CNTLN: variants seen among roughly 807,000 people sequenced by gnomAD.
CNTLN encodes the protein centlein, also known as centlein, centrosomal protein.
Under a neutral mutation model 180.0 loss-of-function variants are expected in CNTLN, and 212 were observed. That is an observed-to-expected ratio of 1.18 (90% CI 1.05 to 1.32). The LOEUF (loss-of-function observed/expected upper bound fraction) is 1.32. CNTLN is among the 40% of genes most tolerant of loss of function. CNTLN has a pLI of 0.00. For synonymous variants in CNTLN, 722 were observed against 563.1 expected (o/e 1.28, Z -3.99); for missense variants, 2,095 against 1,610.9 (o/e 1.30, Z -5.14).
In CNTLN at chr9:17,298,320, G is replaced by A. The variant is rs1818096172; in HGVS notation, c.1114G>A (p.Val372Ile). 2 of 1,612,846 alleles carry A rather than the reference G, an allele frequency of 1.2e-6. No individual in the cohort carries two copies. Among genetic ancestry groups the A allele is most frequent in the East Asian group, 2.2e-5 (1 of 44,820 alleles). Residue 372 changes from valine (V) to isoleucine (I), a missense_variant, in exon 7 of 26, where the codon GTT becomes ATT. Physicochemically the swap from Val to Ile is conservative, Grantham distance 29. Coordinates refer to ENST00000380647, the MANE Select transcript of CNTLN (RefSeq NM_017738.4). ...TQKVLRNQED[V>I]HTAESISYQK... ...AAAAGTACTGAGAAATCAGGAAGATGTTCACACAGCTGAAAGTATATCATA... is the reference window on the plus strand; with the variant it reads ...AAAAGTACTGAGAAATCAGGAAGATATTCACACAGCTGAAAGTATATCATA...
intron 8 of CNTLN, among the ~76,000 whole-genome samples, chr9:17,328,676 A>G (rs10810760): frequency 0.29 from 43,654 of 152,030 alleles, 6,642 homozygotes; most frequent in South Asian, 0.52. Flanking sequence ...GAAGGGGAGG[A>G]ACATATCTAC....
the CNTLN span, among the ~76,000 whole-genome samples, chr9:17,523,729 A>G: frequency 6.6e-6 from 1 of 152,204 alleles, no homozygotes; most frequent in South Asian, 2.1e-4. Context: ...AATATCTCTG[A>G]GACTTCTAGA....
At chr9:17,420,402 G>C (rs1393578530) in intron 18 of CNTLN, among the ~76,000 whole-genome samples, 2 of 152,108 alleles carry the variant, frequency 1.3e-5, no homozygotes, top group African/African-American at 4.8e-5. Flanking sequence ...TGCAGTATCT[G>C]TTGTAATATC....
At chr9:17,318,838 TTCCATCCATCCATCCA>T (rs60102156) in intron 8 of CNTLN, among the ~76,000 whole-genome samples, 7,023 of 151,390 alleles carry the variant, frequency 0.046, 213 homozygotes, top group South Asian at 0.14. Flanking sequence ...CCATCCTTTA[TTCCATCCATCCATCCA>T]TCCATCCATC....
At chr9:17,353,286 C>CTT (rs36048699) in intron 12 of CNTLN, among the ~76,000 whole-genome samples, 64,717 of 127,116 alleles carry the variant, frequency 0.51, 16,941 homozygotes, top group Non-Finnish European at 0.59. Flanking sequence ...AACTGCCAAA[C>CTT]TTTTTTTTTT....
chr9:17,400,563 C>G (rs1328714188), intron 15 of CNTLN, among the ~76,000 whole-genome samples: 3 of 152,234 alleles, frequency 2.0e-5, no homozygotes, highest in Middle Eastern at 6.8e-3. Context: ...TTTGACCTGT[C>G]TATGCTTCAA....
At chr9:17,214,430 A>C (rs1823576280) in intron 2 of CNTLN, among the ~76,000 whole-genome samples, 1 of 152,214 alleles carries the variant, frequency 6.6e-6, no homozygotes, top group Non-Finnish European at 1.5e-5. Flanking sequence ...ATCTGCTGTT[A>C]TTCTGATGGG....
chr9:17,511,720 G>C, the CNTLN span, among the ~76,000 whole-genome samples: 1 of 151,944 alleles, frequency 6.6e-6, no homozygotes, highest in South Asian at 2.1e-4. Flanking sequence ...TTAGACAAGA[G>C]CGTGAATAAC....
chr9:17,422,490 TGA>T (rs1828792975), intron 18 of CNTLN, among the ~76,000 whole-genome samples: 2 of 152,186 alleles, frequency 1.3e-5, no homozygotes, highest in Non-Finnish European at 2.9e-5. Context: ...AGTCTGCTGT[TGA>T]GAGACTCTAA....
intron 2 of CNTLN, among the ~76,000 whole-genome samples, chr9:17,223,402 A>T (rs1824270538): frequency 6.6e-6 from 1 of 151,900 alleles, no homozygotes; most frequent in African/African-American, 2.4e-5. Flanking sequence ...CTCCTCTTGG[A>T]TGTTGATTAG....
chr9:17,271,560 T>C (rs147346667), intron 5 of CNTLN, among the ~76,000 whole-genome samples: 14 of 152,292 alleles, frequency 9.2e-5, no homozygotes, highest in African/African-American at 2.6e-4. Flanking sequence ...AAAATACATA[T>C]ATTATATCCA....
At chr9:17,256,799 T>G (rs1386251618) in intron 5 of CNTLN, among the ~76,000 whole-genome samples, 1 of 151,872 alleles carries the variant, frequency 6.6e-6, no homozygotes, top group Non-Finnish European at 1.5e-5. Context: ...CAGTTTTCAC[T>G]GGCCTGTTTC....
intron 2 of CNTLN, among the ~76,000 whole-genome samples, chr9:17,190,164 C>G (rs1821705779): frequency 6.7e-6 from 1 of 148,438 alleles, no homozygotes; most frequent in Non-Finnish European, 1.5e-5. Flanking sequence ...ATCTAGTAAG[C>G]CGGGGGCAAT....
At chr9:17,223,613 GCATCTGCCTAT>G (rs750906751) in intron 2 of CNTLN, among the ~76,000 whole-genome samples, 2 of 151,978 alleles carry the variant, frequency 1.3e-5, no homozygotes, top group Non-Finnish European at 2.9e-5. Context: ...CAATGCCACT[GCATCTGCCTAT>G]CATGTACAAT....
chr9:17,390,923 G>T (rs1395899864), intron 14 of CNTLN, among the ~76,000 whole-genome samples: 3 of 152,160 alleles, frequency 2.0e-5, no homozygotes, highest in Non-Finnish European at 4.4e-5. Context: ...CAGTTGGTAT[G>T]TATATAGGGG....
chr9:17,182,465 T>C (rs935584424), intron 2 of CNTLN, among the ~76,000 whole-genome samples: 6 of 152,322 alleles, frequency 3.9e-5, no homozygotes, highest in Admixed American at 3.9e-4. Context: ...TTATTTTATA[T>C]GTAGTATTCA....
rs553961385 is a variant in CNTLN, at chr9:17,375,097, T to C, written c.1987+8380T>C. ...GGTGTACTATTCAGCCATAAAAGAA[T>C]TGAAATCTTGTCATTTGCAACAACA... On this transcript the variant is annotated intron_variant, in intron 13 of 25. Coordinates refer to ENST00000380647, the MANE Select transcript of CNTLN (RefSeq NM_017738.4). Among the ~76,000 whole-genome samples the C allele has an allele frequency of 2.0e-5, 3 of 152,296 alleles. No homozygotes were observed. In the East Asian group the frequency reaches 5.8e-4, roughly 29 times the overall value.
intron 2 of CNTLN, among the ~76,000 whole-genome samples, chr9:17,212,606 A>G (rs1823407899): frequency 6.6e-6 from 1 of 152,092 alleles, no homozygotes; most frequent in Non-Finnish European, 1.5e-5. Context: ...TTTTCTACTC[A>G]TTGGAATAGT....
chr9:17,308,302 A>G (rs183621548), intron 7 of CNTLN, among the ~76,000 whole-genome samples: 78 of 152,190 alleles, frequency 5.1e-4, no homozygotes, highest in South Asian at 1.5e-3. Context: ...TCTTCAAAAT[A>G]TTGCTTCTAT....
Sources: allele counts gnomAD v4.1 joint callset (sites outside exome capture counted in the v4.1 genomes callset), GRCh38; gene constraint gnomAD v4.1.1; transcripts MANE v1.5; gene names NCBI Gene and HGNC (gene_info 2026-07-23, HGNC 2026-07-21).